Variants in PIP5K1B observed in about 807,000 individuals in gnomAD.
PIP5K1B encodes the protein phosphatidylinositol 4-phosphate 5-kinase type-1 beta.
Under a neutral mutation model 67.0 loss-of-function variants are expected in PIP5K1B, and 42 were observed. The observed-to-expected ratio is 0.63, with a 90% CI of 0.49 to 0.81. The LOEUF is 0.81. Among genes scored for constraint, PIP5K1B ranks in the 30% least tolerant of loss-of-function variants. The pLI is 0.00. For missense variants in PIP5K1B, 459 were observed against 646.3 expected (o/e 0.71, Z 3.14); for synonymous variants, 214 against 231.4 (o/e 0.92, Z 0.68).
chr9:68,837,440 A>G (rs1454499314), intron 4 of PIP5K1B, among the ~76,000 whole-genome samples: 3 of 152,152 alleles, frequency 2.0e-5, no homozygotes, highest in Non-Finnish European at 2.9e-5. Flanking sequence ...TTGCATTATT[A>G]TTGTAAGTTA....
intron 4 of PIP5K1B, among the ~76,000 whole-genome samples, chr9:68,844,118 A>AAT (rs1395327730): frequency 7.2e-5 from 11 of 152,242 alleles, no homozygotes; most frequent in Admixed American, 2.0e-4. Context: ...GCAGGGCCTA[A>AAT]ACAAGAGAGA....
At chr9:68,847,413 T>TTGTGTGTGTGTG (rs777818994) in intron 4 of PIP5K1B, among the ~76,000 whole-genome samples, 3,207 of 101,580 alleles carry the variant, frequency 0.032, 175 homozygotes, top group East Asian at 0.046. Context: ...AGCAGTGGTT[T>TTGTGTGTGTGTG]TGTGTGTGTG....
chr9:68,989,015 A>C (rs1830234427), intron 14 of PIP5K1B, among the ~76,000 whole-genome samples: 1 of 136,822 alleles, frequency 7.3e-6, no homozygotes, highest in Non-Finnish European at 1.5e-5. Context: ...GAATCGCTTG[A>C]GCCCAGGAGG....
chr9:68,923,097 T>C (rs942407515), intron 11 of PIP5K1B, among the ~76,000 whole-genome samples: 1 of 152,168 alleles, frequency 6.6e-6, no homozygotes, highest in African/African-American at 2.4e-5. Context: ...GTGTCTAGAA[T>C]CTTTGTTCCG....
rs567925029 is a variant in PIP5K1B at position 68,776,656 on chromosome 9, A to T, written c.-86+33999A>T. On this transcript the variant is annotated intron_variant, in intron 2 of 15. Coordinates refer to ENST00000265382, the MANE Select transcript of PIP5K1B (RefSeq NM_003558.4). ...AAAAATAAGTAATATTTTTTAAAAT[A>T]TAAGTAATATTTTAAAAATCTAATA... Among the ~76,000 whole-genome samples, 24 of 151,998 alleles carry T rather than the reference A, an allele frequency of 1.6e-4. No individual in the cohort carries two copies. The South Asian group carries it at 5.0e-3, about 32-fold the overall frequency.
chr9:68,991,435 T>TA (rs1317203315), intron 15 of PIP5K1B, among the ~76,000 whole-genome samples, 178 bp downstream of exon 15: 6 of 152,210 alleles, frequency 3.9e-5, no homozygotes, highest in African/African-American at 1.2e-4. Flanking sequence ...TCCTACAATT[T>TA]ATTACACAAA....
chr9:68,987,893 C>T (rs1830161606), intron 14 of PIP5K1B, among the ~76,000 whole-genome samples: 1 of 152,200 alleles, frequency 6.6e-6, no homozygotes, highest in African/African-American at 2.4e-5. Context: ...CCAGGTCCTT[C>T]TCCCAACACA....
chr9:68,905,887 G>A (rs1449440022), intron 8 of PIP5K1B, among the ~76,000 whole-genome samples: 1 of 152,164 alleles, frequency 6.6e-6, no homozygotes, highest in Non-Finnish European at 1.5e-5. Context: ...GCTTCTGAGA[G>A]GTTTGGGGCC....
intron 14 of PIP5K1B, among the ~76,000 whole-genome samples, chr9:68,960,666 G>A (rs1239820505): frequency 1.3e-5 from 2 of 151,918 alleles, no homozygotes; most frequent in East Asian, 1.9e-4. Flanking sequence ...CTACTGTTAC[G>A]TTTTTACTTT....
At chr9:68,935,096 A>G (rs770752537) in intron 13 of PIP5K1B, 51 bp downstream of exon 13, 5 of 1,481,928 alleles carry the variant, frequency 3.4e-6, no homozygotes, top group Middle Eastern at 1.7e-4. Flanking sequence ...TGATTTATTT[A>G]TACAAGTAAA....
intron 14 of PIP5K1B, among the ~76,000 whole-genome samples, chr9:68,982,657 G>A (rs1449723739): frequency 6.6e-6 from 1 of 151,904 alleles, no homozygotes; most frequent in African/African-American, 2.4e-5. Context: ...AGCTACTTGA[G>A]AGGCTGAAGC....
chr9:68,876,495 A>G (rs1823905255), intron 5 of PIP5K1B, among the ~76,000 whole-genome samples, 182 bp from the exon 6 acceptor site: 2 of 152,074 alleles, frequency 1.3e-5, no homozygotes. Context: ...TCACTAACTA[A>G]CGTCTTATTC....
intron 9 of PIP5K1B, 45 bp from the exon 10 acceptor site, chr9:68,919,434 C>A: frequency 1.1e-6 from 1 of 939,134 alleles, no homozygotes; most frequent in Non-Finnish European, 1.6e-6. Flanking sequence ...ACTTCCTATT[C>A]TTATAATATG....
At chr9:68,883,252 T>C (rs763422044) in intron 6 of PIP5K1B, among the ~76,000 whole-genome samples, 3 of 150,220 alleles carry the variant, frequency 2.0e-5, no homozygotes, top group East Asian at 3.8e-4. Context: ...ACACTTTGTC[T>C]GCACACATGG....
intron 2 of PIP5K1B, among the ~76,000 whole-genome samples, chr9:68,808,481 T>A (rs1832990553): frequency 6.6e-6 from 1 of 152,184 alleles, no homozygotes; most frequent in African/African-American, 2.4e-5. Context: ...TGAAAATCAT[T>A]GCAGGACATC....
chr9:68,948,273 G>A (rs1420602457), intron 14 of PIP5K1B, among the ~76,000 whole-genome samples: 1 of 152,152 alleles, frequency 6.6e-6, no homozygotes, highest in Non-Finnish European at 1.5e-5. Flanking sequence ...AACCATTATA[G>A]CATTACCAGT....
At chr9:68,808,379 C>G (rs1832981949) in intron 2 of PIP5K1B, among the ~76,000 whole-genome samples, 1 of 151,550 alleles carries the variant, frequency 6.6e-6, no homozygotes, top group Non-Finnish European at 1.5e-5. Flanking sequence ...GACTATCTAA[C>G]TAATTACTCC....
At chr9:68,805,304 T>C (rs950216803) in intron 2 of PIP5K1B, among the ~76,000 whole-genome samples, 24 of 152,282 alleles carry the variant, frequency 1.6e-4, no homozygotes, top group Non-Finnish European at 2.6e-4. Context: ...CATCACACTT[T>C]GCAAGGCCTC....
intron 15 of PIP5K1B, among the ~76,000 whole-genome samples, chr9:69,008,159 G>T (rs547516434): frequency 7.2e-5 from 11 of 152,304 alleles, no homozygotes; most frequent in African/African-American, 2.6e-4. Flanking sequence ...GCACTTGGAG[G>T]GCAGGAGGGT....
Sources: gnomAD v4.1 joint callset for allele counts (sites outside exome capture counted in the v4.1 genomes callset) on GRCh38, gnomAD v4.1.1 for gene constraint, MANE v1.5 for transcripts, NCBI Gene and HGNC (gene_info 2026-07-23, HGNC 2026-07-21) for gene names.